PCDHA2: variants seen among roughly 807,000 people sequenced by gnomAD.
The protein encoded by PCDHA2 is protocadherin alpha 2.
In PCDHA2, 58 loss-of-function variants were observed where a neutral mutation model predicts 66.0. The observed-to-expected ratio is 0.88, with a 90% CI of 0.71 to 1.09. The LOEUF is 1.09. Ranked by LOEUF, PCDHA2 falls within the 50% of genes least tolerant of loss-of-function variation. The pLI is 0.00. For missense variants in PCDHA2, 1,267 were observed against 1,242.3 expected (o/e 1.02, Z -0.30); for synonymous variants, 634 against 554.0 (o/e 1.14, Z -2.03).
At chr5:140,856,703 C>T (rs1413055800) in intron 1 of PCDHA2, 1 of 1,596,452 alleles carries the variant, frequency 6.3e-7, no homozygotes, top group Non-Finnish European at 8.6e-7. Context: ...TGGAGGCAAA[C>T]CTGAATTTAC....
intron 1 of PCDHA2, chr5:140,869,089 C>G: frequency 6.3e-7 from 1 of 1,588,998 alleles, no homozygotes; most frequent in Non-Finnish European, 8.6e-7. Context: ...ATTTTGGAAG[C>G]CAATTTCGTA....
At chr5:140,833,518 C>A (rs1772496743) in intron 1 of PCDHA2, among the ~76,000 whole-genome samples, 2 of 152,126 alleles carry the variant, frequency 1.3e-5, no homozygotes, top group Non-Finnish European at 2.9e-5. Flanking sequence ...GGCATATATT[C>A]ATAACACACA....
chr5:140,936,312 C>A (rs2090900162), intron 1 of PCDHA2, among the ~76,000 whole-genome samples: 1 of 152,166 alleles, frequency 6.6e-6, no homozygotes, highest in Non-Finnish European at 1.5e-5. Context: ...ATAGAACTTT[C>A]TGACATGCTA....
Position 140,876,248 on chromosome 5 carries a change from CAA to C in PCDHA2, c.2388+78897_2388+78898del, listed in dbSNP as rs782415667. On this transcript the variant is annotated intron_variant, in intron 1 of 3. Transcript: ENST00000526136. ...TTGTCTGAAAATGTCCAAAACGACA[CAA>C]GAGTGATCCAACTAAATGCTTCCGA... 1.9e-6 allele frequency: 3 copies of C among 1,613,868 alleles called. No homozygotes were observed. In the East Asian group the frequency reaches 6.7e-5, roughly 36 times the overall value.
intron 1 of PCDHA2, chr5:140,804,048 A>C: frequency 6.0e-6 from 1 of 167,982 alleles, no homozygotes; most frequent in East Asian, 1.8e-4. Flanking sequence ...ATAACTCCCT[A>C]TTGATTATGC....
chr5:140,829,963 G>A (rs201706795), intron 1 of PCDHA2: 190 of 1,613,888 alleles, frequency 1.2e-4, no homozygotes, highest in Non-Finnish European at 5.3e-5. Flanking sequence ...CGTTTCGCGT[G>A]GGGCTGTACA....
At chr5:140,878,107 A>G in intron 1 of PCDHA2, 1 of 256,418 alleles carries the variant, frequency 3.9e-6, no homozygotes, top group Non-Finnish European at 7.2e-6. Context: ...AACCTTGAAA[A>G]AAACAGTATA....
At chr5:140,861,641 G>T (rs193008750) in intron 1 of PCDHA2, 38 of 298,444 alleles carry the variant, frequency 1.3e-4, no homozygotes, top group Admixed American at 1.2e-3. Flanking sequence ...CAACACAAAA[G>T]AATCTGTTTC....
At chr5:140,897,187 TA>T (rs1554187233) in intron 1 of PCDHA2, among the ~76,000 whole-genome samples, 7 of 152,166 alleles carry the variant, frequency 4.6e-5, no homozygotes, top group Non-Finnish European at 1.0e-4. Context: ...TCAAAAAATA[TA>T]TTTTTTTATT....
At chr5:140,951,071 C>T (rs246044) in intron 1 of PCDHA2, among the ~76,000 whole-genome samples, 86,232 of 151,532 alleles carry the variant, frequency 0.57, 25,208 homozygotes, top group African/African-American at 0.71. Flanking sequence ...CATTGGCTTT[C>T]TTATATTTTC....
At chr5:140,942,916 A>G (rs2093393160) in intron 1 of PCDHA2, among the ~76,000 whole-genome samples, 1 of 152,158 alleles carries the variant, frequency 6.6e-6, no homozygotes, top group Non-Finnish European at 1.5e-5. Context: ...GCGTGAAGAA[A>G]AAAAAAATTG....
At chr5:140,809,313 G>A in intron 1 of PCDHA2, 1 of 1,614,116 alleles carries the variant, frequency 6.2e-7, no homozygotes, top group South Asian at 1.1e-5. Flanking sequence ...GCGGTGTCCA[G>A]CCTTTTGGTG....
chr5:140,908,399 C>T (rs180728730), intron 1 of PCDHA2, among the ~76,000 whole-genome samples: 51 of 152,258 alleles, frequency 3.3e-4, no homozygotes, highest in African/African-American at 9.9e-4. Flanking sequence ...ACATATATAC[C>T]ACTTCCATTT....
At chr5:140,821,863 C>A (rs1268753327) in intron 1 of PCDHA2, 8 of 1,614,110 alleles carry the variant, frequency 5.0e-6, no homozygotes, top group Non-Finnish European at 5.1e-6. Flanking sequence ...GAGCGGCCAG[C>A]TCCACTACTC....
At chr5:140,945,641 C>T (rs1253716354) in intron 1 of PCDHA2, among the ~76,000 whole-genome samples, 3 of 151,972 alleles carry the variant, frequency 2.0e-5, no homozygotes, top group Non-Finnish European at 2.9e-5. Context: ...GACATGTAGA[C>T]CAATGGAGCA....
chr5:140,924,712 T>C (rs1481544117), intron 1 of PCDHA2, among the ~76,000 whole-genome samples: 1 of 151,870 alleles, frequency 6.6e-6, no homozygotes, highest in African/African-American at 2.4e-5. Context: ...TTGTGCAACA[T>C]GGCGAAACCT....
chr5:140,853,989 C>T (rs2042932367), intron 1 of PCDHA2: 1 of 494,686 alleles, frequency 2.0e-6, no homozygotes, highest in Non-Finnish European at 2.7e-6. Context: ...TGTAGTGAGA[C>T]TCATCTCTGC....
Position 140,968,634 on chromosome 5 carries a change from A to G in PCDHA2, c.2389-10315A>G, listed in dbSNP as rs782166097. ...GGGCAAAATGCTTGGCTTTTTTACC[A>G]TCTAGCCCAGACTTCTGACCTGGAC... On this transcript the variant is annotated intron_variant, in intron 1 of 3. Coordinates refer to ENST00000526136, the MANE Select transcript of PCDHA2 (RefSeq NM_018905.3). 14 of 1,614,176 alleles carry G rather than the reference A, an allele frequency of 8.7e-6. 1 individual carries two copies. The South Asian group carries it at 1.3e-4, about 15-fold the overall frequency.
At chr5:140,950,751 T>G (rs1051693960) in intron 1 of PCDHA2, among the ~76,000 whole-genome samples, 3 of 152,154 alleles carry the variant, frequency 2.0e-5, no homozygotes, top group African/African-American at 7.2e-5. Flanking sequence ...CTCTCTATCC[T>G]TTCTGGACTC....
Sources: allele counts gnomAD v4.1 joint callset (sites outside exome capture counted in the v4.1 genomes callset), GRCh38; gene constraint gnomAD v4.1.1; transcripts MANE v1.5; gene names NCBI Gene and HGNC (gene_info 2026-07-23, HGNC 2026-07-21).